The following ADGRE3 variants were observed in gnomAD, a reference collection of about 807,000 sequenced individuals.
ADGRE3 encodes the protein adhesion G protein-coupled receptor E3.
Under a neutral mutation model 80.1 loss-of-function variants are expected in ADGRE3, and 88 were observed. The observed-to-expected ratio is 1.10, with a 90% CI of 0.93 to 1.31. ADGRE3 has a LOEUF of 1.31. Among genes scored for constraint, ADGRE3 ranks in the 40% most tolerant of loss-of-function variants. The pLI, the probability that ADGRE3 is intolerant of heterozygous loss-of-function variation, is 0.00. For missense variants in ADGRE3, 715 were observed against 776.5 expected, an observed-to-expected ratio of 0.92 and a Z score of 0.94; for synonymous variants, 281 against 294.8, an observed-to-expected ratio of 0.95 and a Z score of 0.48.
chr19:14,613,802 C>T, the ADGRE3 span, among the ~76,000 whole-genome samples: 1 of 151,998 alleles, frequency 6.6e-6, no homozygotes, highest in Admixed American at 6.6e-5. Flanking sequence ...TCTTGTGCCT[C>T]AGCCTCCTGA....
intron 1 of ADGRE3, among the ~76,000 whole-genome samples, chr19:14,673,471 C>T (rs1972310313): frequency 6.6e-6 from 1 of 152,100 alleles, no homozygotes; most frequent in East Asian, 1.9e-4. Flanking sequence ...AGGAGATTCC[C>T]ATAGGGAGAG....
chr19:14,624,183 T>C (rs9807907), intron 15 of ADGRE3, among the ~76,000 whole-genome samples: 138,290 of 151,450 alleles, frequency 0.91, 63,278 homozygotes, highest in African/African-American at 0.96. Context: ...CAACCTCTGC[T>C]GCCCGGATTC....
the ADGRE3 span, among the ~76,000 whole-genome samples, chr19:14,607,416 G>A: frequency 6.6e-6 from 1 of 151,498 alleles, no homozygotes; most frequent in Admixed American, 6.6e-5. Context: ...TGTTAGCCAG[G>A]ATGGTCTTGA....
chr19:14,668,748 C>A, intron 2 of ADGRE3, 54 bp downstream of exon 2: 1 of 1,523,842 alleles, frequency 6.6e-7, no homozygotes, highest in Non-Finnish European at 9.1e-7. Flanking sequence ...CCATGAGTGG[C>A]TCCAGGTCCA....
At chr19:14,645,784 C>T (rs1325877035) in intron 8 of ADGRE3, among the ~76,000 whole-genome samples, 1 of 152,084 alleles carries the variant, frequency 6.6e-6, no homozygotes, top group Non-Finnish European at 1.5e-5. Flanking sequence ...CCAGCCTCGA[C>T]AACATTATGA....
At chr19:14,619,513 ATAAAG>A (rs368636626) in intron 15 of ADGRE3, 42 bp from the exon 16 acceptor site, 17 of 1,474,730 alleles carry the variant, frequency 1.2e-5, no homozygotes, top group African/African-American at 1.1e-4. Context: ...TAAGGGTAAA[ATAAAG>A]TAAACAGACA....
intron 14 of ADGRE3, chr19:14,628,536 C>T: frequency 5.7e-6 from 1 of 175,322 alleles, no homozygotes; most frequent in Non-Finnish European, 1.2e-5. Flanking sequence ...ATGAGTTCTG[C>T]CTCCTGCCTC....
chr19:14,604,335 T>C, the ADGRE3 span, among the ~76,000 whole-genome samples: 1 of 152,296 alleles, frequency 6.6e-6, no homozygotes, highest in South Asian at 2.1e-4. Context: ...ACATTTATTA[T>C]TTCCTTCCCA....
the ADGRE3 span, among the ~76,000 whole-genome samples, chr19:14,607,601 G>T: frequency 7.6e-5 from 11 of 145,432 alleles, no homozygotes; most frequent in African/African-American, 2.3e-4. Flanking sequence ...TCTTTGAGAC[G>T]GAGTCTCGCT....
At chr19:14,645,263 G>A (rs1166667453) in intron 8 of ADGRE3, among the ~76,000 whole-genome samples, 8 of 152,098 alleles carry the variant, frequency 5.3e-5, no homozygotes, top group South Asian at 4.1e-4. Context: ...GTCCCTGGTC[G>A]TTGTATAATC....
Position 14,644,092 on chromosome 19 carries a change from A to G in ADGRE3, c.1050+16T>C, listed in dbSNP as rs777918982. ...CAGAAAGTATTTGCTGGAAGAATAA[A>G]ACATATACATCATACCTGGCTGGTC... On this transcript the variant is annotated intron_variant, in intron 9 of 15. Coordinates refer to ENST00000253673, the MANE Select transcript of ADGRE3 (RefSeq NM_032571.5). 1.4e-6 allele frequency: 2 copies of G among 1,434,254 alleles called. No individual in the cohort carries two copies. Among genetic ancestry groups the G allele is most frequent in the African/African-American group, 2.9e-5 (2 of 67,958 alleles). 88.8% of individuals were successfully genotyped at this position (1,434,254 alleles called of 1,614,324 possible).
the ADGRE3 span, among the ~76,000 whole-genome samples, chr19:14,604,951 C>T: frequency 1.3e-5 from 2 of 152,084 alleles, no homozygotes; most frequent in African/African-American, 2.4e-5. Context: ...GTGTTACTCA[C>T]ACCCAAACAG....
At chr19:14,649,610 C>A (rs1971530204) in intron 7 of ADGRE3, among the ~76,000 whole-genome samples, 1 of 139,944 alleles carries the variant, frequency 7.1e-6, no homozygotes, top group South Asian at 2.5e-4. Flanking sequence ...CGATCTCTGT[C>A]TTTCCATCTC....
At chr19:14,609,777 G>T in the ADGRE3 span, among the ~76,000 whole-genome samples, 1 of 151,916 alleles carries the variant, frequency 6.6e-6, no homozygotes, top group African/African-American at 2.4e-5. Context: ...GACAGAGGTT[G>T]CAGTGAGCCG....
Position 14,667,444 on chromosome 19 carries a change from T to C in ADGRE3, c.76+1358A>G, listed in dbSNP as rs113225725. On this transcript the variant is annotated intron_variant, in intron 2 of 15. Coordinates refer to ENST00000253673, the MANE Select transcript of ADGRE3 (RefSeq NM_032571.5). ...AGCAAAGACTTGGAAACAACCCAAA[T>C]GTCCATCAGTGATAGACTGGATTAA... Among the ~76,000 whole-genome samples the C allele has an allele frequency of 7.6e-3, 1,155 of 152,094 alleles. 14 individuals carry two copies. Among genetic ancestry groups the C allele is most frequent in the African/African-American group, 0.027 (1,118 of 41,482 alleles).
rs1382685740 is a variant in ADGRE3 at position 14,633,724 on chromosome 19, A to T, written c.1485-422T>A. 1.2e-4 allele frequency among the ~76,000 whole-genome samples: 17 copies of T among 144,606 alleles called. 1 individual carries two copies. The highest frequency in any genetic ancestry group is 4.4e-4 in the African/African-American group (16 of 36,708). The allele number at this position is 144,606 out of a possible 152,430, so 94.9% of individuals were successfully genotyped here. On this transcript the variant is annotated intron_variant, in intron 11 of 15. Coordinates refer to ENST00000253673, the MANE Select transcript of ADGRE3 (RefSeq NM_032571.5). ...CGTCTCAAAAAAAATAAAATAAAAT[A>T]AAATAAAATAAAATAAAATAAAATA...
At chr19:14,655,430 A>G (rs1228758079) in intron 5 of ADGRE3, among the ~76,000 whole-genome samples, 1 of 152,062 alleles carries the variant, frequency 6.6e-6, no homozygotes, top group Admixed American at 6.6e-5. Flanking sequence ...CAGTGTCTGT[A>G]TCTGGTAAAA....
At chr19:14,649,389 C>T (rs1215991331) in intron 7 of ADGRE3, among the ~76,000 whole-genome samples, 4 of 145,438 alleles carry the variant, frequency 2.8e-5, no homozygotes, top group Admixed American at 6.8e-5. Context: ...TCTCTCTCCC[C>T]ATCTCTCTCT....
Position 14,651,111 on chromosome 19 carries a change from C to T in ADGRE3, c.671G>A (p.Ser224Asn), listed in dbSNP as rs113225443. The change falls in exon 7 of 16, where the codon AGT (serine) becomes AAT (asparagine). Residue 224 changes from serine to asparagine, a missense_variant. Transcript: ENST00000253673. ...VQMNSMDIRC[S>N]DIIQGDTQGP... Reference sequence around the variant, plus strand: ...TTGTGTGTCTCCCTGGATGATGTCACTGCAACGGATGTCCATTGAGTTCAT... The same window carrying T: ...TTGTGTGTCTCCCTGGATGATGTCATTGCAACGGATGTCCATTGAGTTCAT... 218 of 1,614,130 alleles carry T rather than the reference C, an allele frequency of 1.4e-4. No homozygotes were observed. In the African/African-American group the frequency reaches 2.5e-3, roughly 18 times the overall value.
Sources: allele counts gnomAD v4.1 joint callset (sites outside exome capture counted in the v4.1 genomes callset), GRCh38; gene constraint gnomAD v4.1.1; transcripts MANE v1.5; gene names NCBI Gene and HGNC (gene_info 2026-07-23, HGNC 2026-07-21).